HORMAD2: variants seen among roughly 807,000 people sequenced by gnomAD.
The protein encoded by HORMAD2 is HORMA domain-containing protein 2.
In HORMAD2, 45 loss-of-function variants were observed where a neutral mutation model predicts 38.8. The ratio of observed to expected loss-of-function variants is 1.16; its 90% confidence interval spans 0.91 to 1.49. The LOEUF is 1.49. Ranked by LOEUF, HORMAD2 falls within the 40% of genes most tolerant of loss-of-function variation. HORMAD2 has a pLI of 0.00. For missense variants in HORMAD2, 338 were observed against 367.0 expected (o/e 0.92, Z 0.65); for synonymous variants, 126 against 122.8 (o/e 1.03, Z -0.17).
At chr22:30,200,488 T>C in the HORMAD2 span, among the ~76,000 whole-genome samples, 1 of 152,176 alleles carries the variant, frequency 6.6e-6, no homozygotes, top group African/African-American at 2.4e-5. Flanking sequence ...TCTCAATAGC[T>C]TACTGGTAAA....
chr22:30,132,870 T>A (rs1476209888), intron 10 of HORMAD2, among the ~76,000 whole-genome samples: 1 of 152,182 alleles, frequency 6.6e-6, no homozygotes, highest in Non-Finnish European at 1.5e-5. Flanking sequence ...TAAAGAAGTA[T>A]ACTGATATGT....
At chr22:30,104,505 GA>G (rs1921041006) in intron 5 of HORMAD2, 68 bp downstream of exon 5, 1 of 1,330,696 alleles carries the variant, frequency 7.5e-7, no homozygotes, top group African/African-American at 1.5e-5. Context: ...AAAGAAATTA[GA>G]CATTTATTTT....
chr22:30,132,250 A>G (rs1016087949), intron 10 of HORMAD2, among the ~76,000 whole-genome samples: 1 of 152,172 alleles, frequency 6.6e-6, no homozygotes, highest in Non-Finnish European at 1.5e-5. Flanking sequence ...GCACTGGAAG[A>G]GGCACATTAT....
intron 10 of HORMAD2, among the ~76,000 whole-genome samples, chr22:30,143,298 T>C (rs962321528): frequency 6.6e-6 from 1 of 152,234 alleles, no homozygotes; most frequent in Non-Finnish European, 1.5e-5. Flanking sequence ...GTTTGAATTA[T>C]TGTGTGTGAT....
At chr22:30,135,916 A>G (rs1448178519) in intron 10 of HORMAD2, among the ~76,000 whole-genome samples, 1 of 152,240 alleles carries the variant, frequency 6.6e-6, no homozygotes, top group Non-Finnish European at 1.5e-5. Flanking sequence ...AAGTTTCTTG[A>G]TATGTAAAGC....
chr22:30,122,251 T>C, intron 10 of HORMAD2, 37 bp downstream of exon 10: 2 of 1,563,142 alleles, frequency 1.3e-6, no homozygotes, highest in African/African-American at 1.4e-5. Flanking sequence ...ATCGTGTCAG[T>C]TAAACACAAT....
rs150170089 is a variant in HORMAD2 at position 30,161,655 on chromosome 22, T to A, written c.820-14408T>A. The stretch of plus-strand genomic sequence containing the variant: ...AAGAAAGTAACTGACATTTTTCTAT[T>A]GAAAAGTATTTAATAATATTTTAGA... On this transcript the variant is annotated intron_variant, in intron 10 of 10. Coordinates refer to ENST00000336726, the MANE Select transcript of HORMAD2 (RefSeq NM_152510.4). Among the ~76,000 whole-genome samples the A allele has an allele frequency of 5.5e-3, 841 of 152,298 alleles. 8 individuals are homozygous for A. Among genetic ancestry groups the A allele is most frequent in the African/African-American group, 0.019 (786 of 41,586 alleles).
At chr22:30,087,233 G>A (rs2068586131) in intron 1 of HORMAD2, among the ~76,000 whole-genome samples, 1 of 152,182 alleles carries the variant, frequency 6.6e-6, no homozygotes. Flanking sequence ...CAGATTTTGT[G>A]CTTGAGCAAC....
chr22:30,179,134 T>G (rs1003905002), downstream of HORMAD2, among the ~76,000 whole-genome samples: 1 of 152,202 alleles, frequency 6.6e-6, no homozygotes, highest in Non-Finnish European at 1.5e-5. Context: ...AATTTATGGT[T>G]TCAAACCCAA....
intron 10 of HORMAD2, among the ~76,000 whole-genome samples, chr22:30,149,037 TG>T (rs1473069053): frequency 2.6e-5 from 4 of 152,176 alleles, no homozygotes; most frequent in Non-Finnish European, 1.5e-5. Context: ...TATTTTGCTA[TG>T]TGAAGGAAAA....
chr22:30,148,599 C>T (rs1228784376), intron 10 of HORMAD2, among the ~76,000 whole-genome samples: 1 of 152,134 alleles, frequency 6.6e-6, no homozygotes, highest in Non-Finnish European at 1.5e-5. Context: ...TCAGCAAAGT[C>T]CTATTGATAA....
chr22:30,199,909 A>C, the HORMAD2 span, among the ~76,000 whole-genome samples: 3 of 150,176 alleles, frequency 2.0e-5, no homozygotes, highest in Admixed American at 2.0e-4. Context: ...CAGGAGTTTG[A>C]GACCAGCCTG....
chr22:30,118,786 A>G (rs1922228672), intron 7 of HORMAD2, among the ~76,000 whole-genome samples, 194 bp from the exon 8 acceptor site: 1 of 152,162 alleles, frequency 6.6e-6, no homozygotes, highest in African/African-American at 2.4e-5. Context: ...ATTTATTTTT[A>G]GCATGGAGGA....
At chr22:30,107,153 C>T (rs1432335535) in intron 5 of HORMAD2, among the ~76,000 whole-genome samples, 3 of 152,134 alleles carry the variant, frequency 2.0e-5, no homozygotes, top group Non-Finnish European at 4.4e-5. Flanking sequence ...AAATGTGATT[C>T]CACTCCCAGG....
intron 10 of HORMAD2, among the ~76,000 whole-genome samples, chr22:30,144,602 G>A (rs1013530812): frequency 2.6e-5 from 4 of 152,134 alleles, no homozygotes. Flanking sequence ...TCAGTGACAT[G>A]CAGCTTTAGG....
At chr22:30,124,024 C>G (rs1436115935) in intron 10 of HORMAD2, among the ~76,000 whole-genome samples, 1 of 151,282 alleles carries the variant, frequency 6.6e-6, no homozygotes, top group Non-Finnish European at 1.5e-5. Flanking sequence ...AGCAGGACAA[C>G]CTAAGAACGC....
chr22:30,175,670 T>C (rs1396414705), intron 10 of HORMAD2, among the ~76,000 whole-genome samples: 1 of 152,156 alleles, frequency 6.6e-6, no homozygotes, highest in Non-Finnish European at 1.5e-5. Flanking sequence ...CAAGGCAGTA[T>C]GTCTCTGCTA....
At chr22:30,104,490 T>TA in intron 5 of HORMAD2, 53 bp downstream of exon 5, 2 of 1,427,472 alleles carry the variant, frequency 1.4e-6, no homozygotes, top group Non-Finnish European at 1.9e-6. Flanking sequence ...TTTTATTCTT[T>TA]AAAAAAAGAA....
the HORMAD2 span, among the ~76,000 whole-genome samples, chr22:30,186,384 T>C: frequency 2.4e-4 from 36 of 151,182 alleles, no homozygotes; most frequent in Admixed American, 2.4e-3. Context: ...TCTGTTTACT[T>C]ATTTCTGCCA....
Sources: gnomAD v4.1 joint callset for allele counts (sites outside exome capture counted in the v4.1 genomes callset) on GRCh38, gnomAD v4.1.1 for gene constraint, MANE v1.5 for transcripts, NCBI Gene and HGNC (gene_info 2026-07-23, HGNC 2026-07-21) for gene names.